LRRTM4: variants seen among roughly 807,000 people sequenced by gnomAD.
LRRTM4 encodes leucine rich repeat transmembrane neuronal 4, also known as leucine-rich repeat transmembrane neuronal protein 4.
LRRTM4 carries 25 observed loss-of-function variants against 47.6 expected under a neutral mutation model. The observed-to-expected ratio is 0.53, with a 90% confidence interval of 0.38 to 0.73. The LOEUF is 0.73. LRRTM4 is among the 30% of genes least tolerant of loss of function. The probability of loss-of-function intolerance (pLI) is 0.00; values close to 1 mark genes in which losing one functional copy is unlikely to be tolerated. For synonymous variants in LRRTM4, 311 were observed against 269.5 expected, an observed-to-expected ratio of 1.15 and a Z score of -1.51; for missense variants, 638 against 713.4, an observed-to-expected ratio of 0.89 and a Z score of 1.20.
chr2:77,411,358 C>A (rs1324236139), intron 3 of LRRTM4, among the ~76,000 whole-genome samples: 2 of 151,844 alleles, frequency 1.3e-5, no homozygotes, highest in Non-Finnish European at 2.9e-5. Flanking sequence ...GTATTGGATG[C>A]CGGGGTCTTC....
intron 3 of LRRTM4, among the ~76,000 whole-genome samples, chr2:77,015,530 T>A (rs1054053294): frequency 2.0e-5 from 3 of 152,050 alleles, no homozygotes; most frequent in African/African-American, 7.2e-5. Flanking sequence ...TTCACCATGT[T>A]GGTCAGGCTG....
intron 3 of LRRTM4, among the ~76,000 whole-genome samples, chr2:77,328,650 T>C (rs764871083): frequency 2.0e-4 from 30 of 152,184 alleles, no homozygotes; most frequent in Non-Finnish European, 3.4e-4. Flanking sequence ...ATGTGCAAAA[T>C]GTGAAGCCCT....
intron 3 of LRRTM4, among the ~76,000 whole-genome samples, chr2:77,088,625 G>A (rs1380480767): frequency 2.0e-5 from 3 of 152,134 alleles, no homozygotes; most frequent in African/African-American, 7.2e-5. Flanking sequence ...AAACAGCCAT[G>A]TTGCTCACAC....
intron 3 of LRRTM4, among the ~76,000 whole-genome samples, chr2:76,812,300 A>C (rs940131405): frequency 6.6e-6 from 1 of 152,178 alleles, no homozygotes; most frequent in African/African-American, 2.4e-5. Flanking sequence ...TATTATGTAT[A>C]TGCCTGGCAC....
In LRRTM4 at chr2:76,783,507, T is replaced by G. The variant is rs1205375552; in HGVS notation, c.1552-34591A>C. ...ACCTCCAGAACTCTTCATCTCAAAC[T>G]GAAACTCTGTACCTATTAAGGCGTA... On this transcript the variant is annotated intron_variant, in intron 3 of 3. Transcript: ENST00000409884. Among the ~76,000 whole-genome samples the G allele has an allele frequency of 2.0e-5, 3 of 152,176 alleles. No homozygotes were observed. In the East Asian group the frequency reaches 5.8e-4, roughly 29 times the overall value.
chr2:77,258,218 G>T (rs746023154), intron 3 of LRRTM4, among the ~76,000 whole-genome samples: 5 of 151,986 alleles, frequency 3.3e-5, no homozygotes, highest in Non-Finnish European at 7.4e-5. Flanking sequence ...AGGATGTGAA[G>T]AAAATGTCCC....
intron 3 of LRRTM4, among the ~76,000 whole-genome samples, chr2:77,284,312 A>T (rs906563032): frequency 6.6e-6 from 1 of 152,120 alleles, no homozygotes; most frequent in Non-Finnish European, 1.5e-5. Flanking sequence ...ATGTTCTGTT[A>T]ATATAGATTT....
intron 3 of LRRTM4, among the ~76,000 whole-genome samples, chr2:77,429,138 A>G (rs963349156): frequency 2.0e-5 from 3 of 152,180 alleles, no homozygotes; most frequent in African/African-American, 7.2e-5. Flanking sequence ...AAGTGCAGGA[A>G]GAACTCACGG....
intron 3 of LRRTM4, among the ~76,000 whole-genome samples, chr2:77,232,419 C>A (rs1401891303): frequency 6.6e-6 from 1 of 152,210 alleles, no homozygotes; most frequent in African/African-American, 2.4e-5. Flanking sequence ...GTCCACAGGG[C>A]AACTCCAGGC....
chr2:77,448,617 T>G (rs1331013482), intron 3 of LRRTM4, among the ~76,000 whole-genome samples: 2 of 151,778 alleles, frequency 1.3e-5, no homozygotes, highest in Non-Finnish European at 2.9e-5. Flanking sequence ...CTTCCTTCTT[T>G]AGGTCCATTT....
intron 3 of LRRTM4, among the ~76,000 whole-genome samples, chr2:77,201,033 A>C (rs772603766): frequency 1.3e-5 from 2 of 152,148 alleles, no homozygotes; most frequent in Non-Finnish European, 2.9e-5. Flanking sequence ...TATGGTGTAA[A>C]TATACAACAC....
chr2:77,093,058 C>A (rs1237702930), intron 3 of LRRTM4, among the ~76,000 whole-genome samples: 1 of 147,016 alleles, frequency 6.8e-6, no homozygotes, highest in Non-Finnish European at 1.5e-5. Context: ...CAGTCTCATT[C>A]CAGACACCAG....
At chr2:76,906,555 T>C (rs573399136) in intron 3 of LRRTM4, among the ~76,000 whole-genome samples, 4 of 152,180 alleles carry the variant, frequency 2.6e-5, no homozygotes, top group African/African-American at 9.6e-5. Flanking sequence ...GACTGGCAAA[T>C]TGGATAAAGA....
chr2:76,994,438 T>G (rs1341534578), intron 3 of LRRTM4, among the ~76,000 whole-genome samples: 3 of 151,934 alleles, frequency 2.0e-5, no homozygotes, highest in Admixed American at 6.6e-5. Flanking sequence ...TTAGTAGGAT[T>G]GGAGAGCATA....
chr2:76,808,532 T>G lies in LRRTM4; in HGVS notation c.1552-59616A>C, dbSNP rs1393528463. The stretch of plus-strand genomic sequence containing the variant: ...TGCCGAAAGAAACACAATCACAATT[T>G]TGGGGGTTGTCTTTTATTTATTGAT... On this transcript the variant is annotated intron_variant, in intron 3 of 3. Coordinates refer to ENST00000409884, the MANE Select transcript of LRRTM4 (RefSeq NM_001134745.3). Among the ~76,000 whole-genome samples the G allele has an allele frequency of 7.9e-5, 12 of 152,136 alleles. 1 individual carries two copies. The highest frequency in any genetic ancestry group is 4.4e-5 in the Non-Finnish European group (3 of 68,016).
At chr2:77,095,868 G>A (rs1038727589) in intron 3 of LRRTM4, among the ~76,000 whole-genome samples, 1 of 152,160 alleles carries the variant, frequency 6.6e-6, no homozygotes, top group South Asian at 2.1e-4. Flanking sequence ...GCAACTGGCT[G>A]TGAGAAAGGG....
At chr2:76,911,812 T>C (rs533706638) in intron 3 of LRRTM4, among the ~76,000 whole-genome samples, 2 of 151,400 alleles carry the variant, frequency 1.3e-5, no homozygotes, top group Admixed American at 1.3e-4. Flanking sequence ...ATGAAAACAG[T>C]GATTTGTGTG....
chr2:77,262,148 G>C (rs577079546), intron 3 of LRRTM4, among the ~76,000 whole-genome samples: 3 of 152,054 alleles, frequency 2.0e-5, no homozygotes. Flanking sequence ...AGATGGGACC[G>C]TCTAGTTGCA....
At chr2:77,200,401 C>T (rs1022980860) in intron 3 of LRRTM4, among the ~76,000 whole-genome samples, 9 of 152,050 alleles carry the variant, frequency 5.9e-5, no homozygotes, top group African/African-American at 1.7e-4. Flanking sequence ...TATATGTGTG[C>T]ATATATATGG....
Sources: gnomAD v4.1 joint callset for allele counts (sites outside exome capture counted in the v4.1 genomes callset) on GRCh38, gnomAD v4.1.1 for gene constraint, MANE v1.5 for transcripts, NCBI Gene and HGNC (gene_info 2026-07-23, HGNC 2026-07-21) for gene names.